Variants in SMS observed in about 807,000 individuals in gnomAD.
SMS encodes the protein spermidine aminopropyltransferase.
SMS carries 3 observed loss-of-function variants against 33.0 expected under a neutral mutation model. The ratio of observed to expected loss-of-function variants is 0.09; its 90% CI spans 0.04 to 0.23. The LOEUF is 0.23. Ranked by LOEUF, SMS falls within the 10% of genes least tolerant of loss-of-function variation. The pLI is 1.00. For missense variants in SMS, 117 were observed against 288.6 expected (o/e 0.41, Z 4.31); for synonymous variants, 103 against 112.2 (o/e 0.92, Z 0.52).
chrX:21,993,505 G>GT (rs899144607), intron 10 of SMS, among the ~76,000 whole-genome samples: 27 of 112,625 alleles, frequency 2.4e-4, no homozygotes, highest in Non-Finnish European at 3.6e-4. Flanking sequence ...TGACGGCAGG[G>GT]TTTTTTTGCT....
intron 9 of SMS, among the ~76,000 whole-genome samples, chrX:21,990,905 A>C (rs2146959102): frequency 8.9e-6 from 1 of 112,604 alleles, no homozygotes; most frequent in African/African-American, 3.2e-5. Flanking sequence ...ATGCTGGCGA[A>C]GGGCACTTTG....
chrX:21,949,011 A>G (rs745566762), intron 1 of SMS, among the ~76,000 whole-genome samples: 1 of 112,178 alleles, frequency 8.9e-6, no homozygotes, highest in East Asian at 2.8e-4. Context: ...AGGAAAAACA[A>G]CCCTGCGGCC....
intron 1 of SMS, among the ~76,000 whole-genome samples, chrX:21,952,170 G>C (rs910892586): frequency 9.0e-6 from 1 of 111,704 alleles, no homozygotes; most frequent in Non-Finnish European, 1.9e-5. Flanking sequence ...GCAGCTGTGA[G>C]AACAGACATC....
intron 7 of SMS, among the ~76,000 whole-genome samples, chrX:21,980,068 T>G (rs1455417080): frequency 1.8e-5 from 2 of 110,112 alleles, no homozygotes; most frequent in African/African-American, 6.6e-5. Context: ...AGTAAAATAA[T>G]AAGCTAAATC....
intron 1 of SMS, among the ~76,000 whole-genome samples, chrX:21,966,577 C>G (rs1244871279): frequency 9.0e-6 from 1 of 110,774 alleles, no homozygotes; most frequent in Non-Finnish European, 1.9e-5. Flanking sequence ...GTGGGGAGAC[C>G]GACAAGCCAG....
chrX:21,971,903 C>G lies in SMS; in HGVS notation c.177C>G (p.Ala59=). 3 of 1,183,954 alleles carry G rather than the reference C, an allele frequency of 2.5e-6. No homozygotes were observed. The highest frequency in any genetic ancestry group is 3.4e-6 in the Non-Finnish European group (3 of 871,518). Residue 59 remains alanine, a synonymous_variant, in exon 3 of 11, where the codon GCC becomes GCG. Coordinates refer to ENST00000404933, the MANE Select transcript of SMS (RefSeq NM_004595.5). ...ATTATATTTTCCTTTGTAGCTTTGC[C>G]AATTTGAGAATTTACCCACATGGAT... ...ATYTNKNGSF[A]NLRIYPHGLV...
intron 1 of SMS, among the ~76,000 whole-genome samples, chrX:21,949,022 C>G (rs1014116080): frequency 8.9e-6 from 1 of 112,130 alleles, no homozygotes; most frequent in African/African-American, 3.2e-5. Flanking sequence ...CCCTGCGGCC[C>G]TGAGGTGTGG....
At chrX:21,952,298 C>A (rs900964225) in intron 1 of SMS, among the ~76,000 whole-genome samples, 1 of 111,297 alleles carries the variant, frequency 9.0e-6, no homozygotes, top group African/African-American at 3.3e-5. Flanking sequence ...CCTCTATTCC[C>A]ATTTTTGTGT....
intron 7 of SMS, among the ~76,000 whole-genome samples, chrX:21,982,356 A>G (rs1316929548): frequency 9.2e-6 from 1 of 108,471 alleles, no homozygotes; most frequent in Non-Finnish European, 1.9e-5. Context: ...AAAAAAAAAA[A>G]GTACCACAAG....
intron 6 of SMS, 72 bp downstream of exon 6, chrX:21,978,186 CA>C: frequency 9.8e-7 from 1 of 1,018,542 alleles, no homozygotes; most frequent in Non-Finnish European, 1.4e-6. Context: ...TCTCACAACT[CA>C]AATTAATGTT....
intron 1 of SMS, among the ~76,000 whole-genome samples, chrX:21,966,909 C>A (rs533251463): frequency 2.7e-5 from 3 of 110,755 alleles, no homozygotes; most frequent in African/African-American, 9.8e-5. Context: ...ACATCCTTGG[C>A]GCAGCTATTT....
At chrX:21,978,502 G>C (rs1924688653) in intron 6 of SMS, among the ~76,000 whole-genome samples, 1 of 111,621 alleles carries the variant, frequency 9.0e-6, no homozygotes. Flanking sequence ...TTGAACCCTA[G>C]GTGGCAGAGG....
At chrX:21,952,421 GTT>G (rs545894421) in intron 1 of SMS, among the ~76,000 whole-genome samples, 3 of 33,473 alleles carry the variant, frequency 9.0e-5, no homozygotes, top group Non-Finnish European at 9.8e-5. Context: ...TTGTTTGTTT[GTT>G]TTTTTTTTTT....
rs576489536 is a variant in SMS at position 21,947,819 on chromosome X, G to A, written c.49+6946G>A. 3.6e-4 allele frequency among the ~76,000 whole-genome samples: 40 copies of A among 111,379 alleles called. 1 individual carries two copies. The South Asian group carries it at 0.015, about 42-fold the overall frequency. On this transcript the variant is annotated intron_variant, in intron 1 of 10. Transcript: ENST00000404933. ...CCTCTTCCCCCAGTATATTCCTTGT[G>A]CTTCCCGGTAGCCAGGAAGCACCTG...
intron 7 of SMS, among the ~76,000 whole-genome samples, chrX:21,979,392 C>G (rs1235631388): frequency 1.8e-5 from 2 of 108,442 alleles, no homozygotes; most frequent in Non-Finnish European, 3.8e-5. Flanking sequence ...TGTGATGTTC[C>G]CCTCCCTGTG....
rs553729486 is a variant in SMS at position 21,977,320 on chromosome X, G to A, written c.505+84G>A. On this transcript the variant is annotated intron_variant, in intron 5 of 10. Coordinates refer to ENST00000404933, the MANE Select transcript of SMS (RefSeq NM_004595.5). ...TGTTTTCCTGACAATTACTACTGTCGTGGATTTGTTTGAGTTTGTTTTTGA... is the reference window on the plus strand; with the variant it reads ...TGTTTTCCTGACAATTACTACTGTCATGGATTTGTTTGAGTTTGTTTTTGA... 511 of 899,415 alleles carry A rather than the reference G, an allele frequency of 5.7e-4. 5 individuals are homozygous for A. In the South Asian group the frequency reaches 9.6e-3, roughly 17 times the overall value. 74.1% of individuals were successfully genotyped at this position (899,415 alleles called of 1,213,427 possible).
chrX:21,971,754 A>G lies in SMS; in HGVS notation c.171-143A>G, dbSNP rs1924172980. The G allele has an allele frequency of 6.1e-6, 3 of 494,655 alleles. No individual in the cohort carries two copies. The Admixed American group carries it at 9.5e-5, about 16-fold the overall frequency. The allele number at this position is 494,655 out of a possible 1,213,427, so 40.8% of individuals were successfully genotyped here. A position where few individuals can be genotyped will look rare whatever the true frequency, so the allele number is the denominator to read the frequency against. ...TCTCCCCGCAAGACGCAGCCCTAGTAAGAAAGCAAAAAGCTTAACTGTATA... is the reference window on the plus strand; with the variant it reads ...TCTCCCCGCAAGACGCAGCCCTAGTGAGAAAGCAAAAAGCTTAACTGTATA... On this transcript the variant is annotated intron_variant, in intron 2 of 10. Coordinates refer to ENST00000404933, the MANE Select transcript of SMS (RefSeq NM_004595.5).
At chrX:21,942,426 AG>A (rs1569338947) in intron 1 of SMS, among the ~76,000 whole-genome samples, 1 of 111,274 alleles carries the variant, frequency 9.0e-6, no homozygotes, top group Non-Finnish European at 1.9e-5. Context: ...GAAAAAAAAA[AG>A]TGTACACCTC....
At chrX:21,974,108 G>A (rs974189025) in intron 4 of SMS, among the ~76,000 whole-genome samples, 1 of 112,410 alleles carries the variant, frequency 8.9e-6, no homozygotes, top group African/African-American at 3.2e-5. Flanking sequence ...CTGAGCAACG[G>A]AAATACAGGT....
Sources: allele counts gnomAD v4.1 joint callset (sites outside exome capture counted in the v4.1 genomes callset), GRCh38; gene constraint gnomAD v4.1.1; transcripts MANE v1.5; gene names NCBI Gene and HGNC (gene_info 2026-07-23, HGNC 2026-07-21).